Variants in FAM168A observed in about 807,000 individuals in gnomAD.
FAM168A encodes protein FAM168A.
A neutral mutation model predicts 28.5 loss-of-function variants in FAM168A; 3 were observed. The observed-to-expected ratio is 0.11, with a 90% CI of 0.05 to 0.27. FAM168A has a LOEUF of 0.27. Among genes scored for constraint, FAM168A ranks in the 10% least tolerant of loss-of-function variants. The pLI is 1.00. For missense variants in FAM168A, 222 were observed against 311.5 expected, an observed-to-expected ratio of 0.71 and a Z score of 2.16; for synonymous variants, 122 against 124.2, an observed-to-expected ratio of 0.98 and a Z score of 0.12.
At chr11:73,554,465 G>GA (rs531799577) in intron 1 of FAM168A, among the ~76,000 whole-genome samples, 11 of 151,538 alleles carry the variant, frequency 7.3e-5, no homozygotes, top group Non-Finnish European at 1.6e-4. Context: ...AAAATAAATA[G>GA]AAAAAAAACT....
At chr11:73,445,419 C>CTCTTTTTTTT (rs776745757) in intron 2 of FAM168A, among the ~76,000 whole-genome samples, 31 of 50,466 alleles carry the variant, frequency 6.1e-4, no homozygotes, top group African/African-American at 1.9e-3. Context: ...AAAAATGTCT[C>CTCTTTTTTTT]TTTTTTTTTT....
At chr11:73,470,684 A>T (rs1590800802) in intron 1 of FAM168A, among the ~76,000 whole-genome samples, 1 of 152,062 alleles carries the variant, frequency 6.6e-6, no homozygotes, top group South Asian at 2.1e-4. Flanking sequence ...AGATGCTTGT[A>T]CTCTGATATT....
chr11:73,418,401 C>T lies in FAM168A; in HGVS notation c.277+1473G>A, dbSNP rs190319146. On this transcript the variant is annotated intron_variant, in intron 4 of 7. Transcript: ENST00000356467. ...TATGCTGGCTTCCTCTTTTGCCTTC[C>T]GCCATGACTGTAAGCTTCCTGAGGC... Among the ~76,000 whole-genome samples the T allele has an allele frequency of 2.6e-3, 391 of 152,258 alleles. 1 individual carries two copies. The highest frequency in any genetic ancestry group is 5.0e-3 in the Non-Finnish European group (339 of 68,016).
chr11:73,422,961 C>T (rs1430825515), intron 3 of FAM168A, among the ~76,000 whole-genome samples: 6 of 152,146 alleles, frequency 3.9e-5, no homozygotes, highest in Non-Finnish European at 8.8e-5. Context: ...CAGCAAGGGA[C>T]CATCATCCTG....
At chr11:73,472,300 G>T (rs1214413544) in intron 1 of FAM168A, among the ~76,000 whole-genome samples, 2 of 152,212 alleles carry the variant, frequency 1.3e-5, no homozygotes, top group African/African-American at 4.8e-5. Flanking sequence ...AAGCCATGGA[G>T]ATCTCTGAGA....
At chr11:73,440,658 GA>G (rs542918080) in intron 2 of FAM168A, among the ~76,000 whole-genome samples, 8 of 152,058 alleles carry the variant, frequency 5.3e-5, no homozygotes, top group Non-Finnish European at 1.2e-4. Context: ...AAAAGAAAAA[GA>G]AATAGGAGAA....
chr11:73,557,786 T>C (rs1051134791), intron 1 of FAM168A, among the ~76,000 whole-genome samples: 4 of 152,148 alleles, frequency 2.6e-5, no homozygotes, highest in African/African-American at 7.2e-5. Flanking sequence ...ACTATGGTAA[T>C]CGATACAGCA....
intron 1 of FAM168A, among the ~76,000 whole-genome samples, chr11:73,563,599 G>A (rs963068018): frequency 2.6e-5 from 4 of 152,184 alleles, no homozygotes; most frequent in African/African-American, 9.7e-5. Flanking sequence ...ATATGTAATT[G>A]TATAATTAAA....
intron 1 of FAM168A, among the ~76,000 whole-genome samples, chr11:73,536,844 T>A (rs952299563): frequency 1.3e-5 from 2 of 152,152 alleles, no homozygotes; most frequent in African/African-American, 4.8e-5. Context: ...TCCAAAGATA[T>A]CTGTTGTGAA....
intron 2 of FAM168A, among the ~76,000 whole-genome samples, chr11:73,443,516 C>T (rs1303437198): frequency 6.6e-6 from 1 of 152,124 alleles, no homozygotes; most frequent in African/African-American, 2.4e-5. Context: ...GGTCTGGCTT[C>T]TGGATTGGAA....
At chr11:73,571,000 G>A (rs1944079794) in intron 1 of FAM168A, among the ~76,000 whole-genome samples, 1 of 152,050 alleles carries the variant, frequency 6.6e-6, no homozygotes, top group Non-Finnish European at 1.5e-5. Context: ...CTTTGAAACT[G>A]TCCTGAACAA....
intron 2 of FAM168A, among the ~76,000 whole-genome samples, chr11:73,467,800 T>A (rs1867758784): frequency 6.6e-6 from 1 of 152,246 alleles, no homozygotes; most frequent in Non-Finnish European, 1.5e-5. Flanking sequence ...TATAGGGTAC[T>A]GCCCCATGAG....
intron 1 of FAM168A, among the ~76,000 whole-genome samples, chr11:73,500,981 G>C (rs1007492877): frequency 9.9e-5 from 15 of 151,444 alleles, no homozygotes; most frequent in African/African-American, 3.4e-4. Context: ...TCAAAATAAA[G>C]GGATGGAAGA....
At chr11:73,498,879 C>G (rs1272454815) in intron 1 of FAM168A, among the ~76,000 whole-genome samples, 3 of 152,194 alleles carry the variant, frequency 2.0e-5, no homozygotes, top group Non-Finnish European at 1.5e-5. Context: ...TGGACCTGAG[C>G]CCCTAGCGGG....
chr11:73,414,617 T>C (rs1283401119), intron 4 of FAM168A, among the ~76,000 whole-genome samples: 1 of 152,240 alleles, frequency 6.6e-6, no homozygotes, highest in East Asian at 1.9e-4. Flanking sequence ...ACAGTAATGG[T>C]ACCTACTTCA....
intron 1 of FAM168A, among the ~76,000 whole-genome samples, chr11:73,548,984 C>T (rs1348593487): frequency 6.6e-6 from 1 of 151,984 alleles, no homozygotes; most frequent in Non-Finnish European, 1.5e-5. Context: ...CTCTGTCGCC[C>T]AGGCTGGAGT....
At chr11:73,562,720 G>A (rs900424544) in intron 1 of FAM168A, among the ~76,000 whole-genome samples, 2 of 152,080 alleles carry the variant, frequency 1.3e-5, no homozygotes, top group Admixed American at 6.6e-5. Flanking sequence ...CCAGCTACTT[G>A]GATGCTGAGA....
chr11:73,536,622 G>A (rs1207078044), intron 1 of FAM168A, among the ~76,000 whole-genome samples: 3 of 152,102 alleles, frequency 2.0e-5, no homozygotes, highest in Non-Finnish European at 4.4e-5. Context: ...AGAAGGTGGA[G>A]GTTGTGGTGA....
chr11:73,529,139 A>C (rs919452063), intron 1 of FAM168A, among the ~76,000 whole-genome samples: 12 of 152,222 alleles, frequency 7.9e-5, no homozygotes, highest in African/African-American at 2.9e-4. Context: ...GCTATTGTGC[A>C]TTGTTGTTGC....
Sources: gnomAD v4.1 joint callset for allele counts (sites outside exome capture counted in the v4.1 genomes callset) on GRCh38, gnomAD v4.1.1 for gene constraint, MANE v1.5 for transcripts, NCBI Gene and HGNC (gene_info 2026-07-23, HGNC 2026-07-21) for gene names.